B4GALT7: variants seen among roughly 807,000 people sequenced by gnomAD.
The protein encoded by B4GALT7 is beta-1,4-galactosyltransferase 7.
Under a neutral mutation model 33.0 loss-of-function variants are expected in B4GALT7, and 30 were observed. The ratio of observed to expected loss-of-function variants is 0.91; its 90% CI spans 0.68 to 1.23. B4GALT7 has a LOEUF of 1.23. B4GALT7 is among the 50% of genes most tolerant of loss of function. The probability of loss-of-function intolerance (pLI) is 0.00; values close to 1 mark genes in which losing one functional copy is unlikely to be tolerated. For synonymous variants in B4GALT7, 213 were observed against 187.2 expected, an observed-to-expected ratio of 1.14 and a Z score of -1.13; for missense variants, 507 against 450.8, an observed-to-expected ratio of 1.12 and a Z score of -1.13.
At position 177,607,506 on chromosome 5, in the gene B4GALT7, C is replaced by T; in HGVS notation, c.618C>T (p.Leu206=). 6.2e-7 allele frequency: 1 copy of T among 1,612,618 alleles called. No homozygotes were observed. The highest frequency in any genetic ancestry group is 1.1e-5 in the South Asian group (1 of 91,080). ...CCTATGTCGGCGGCATCCTGCTGCT[C>T]TCCAAGCAGCACTACCGGCTGGTGA... ...YKTYVGGILL[L]SKQHYRLCNG... The change falls in exon 3 of 6, where the codon CTC becomes CTT. Residue 206 remains leucine (L), a synonymous_variant. Transcript: ENST00000029410.
At position 177,600,266 on chromosome 5, in the gene B4GALT7, C is replaced by T. The variant is rs1767808731; in HGVS notation, c.50+6C>T. 7 of 1,343,580 alleles carry T rather than the reference C, an allele frequency of 5.2e-6. No individual in the cohort carries two copies. The East Asian group carries it at 1.2e-4, about 24-fold the overall frequency. The allele number at this position is 1,343,580 out of a possible 1,614,324, so 83.2% of individuals were successfully genotyped here. A position where few individuals can be genotyped will look rare whatever the true frequency, so the allele number is the denominator to read the frequency against. On this transcript the variant is annotated splice_donor_region_variant and intron_variant, in intron 1 of 5. Transcript: ENST00000029410. The surrounding 1 kb of genome is among the most constrained non-coding windows in gnomAD (Gnocchi z 4.4). ...CTGCCCTGGGAGGACGGCAGGTGAG[C>T]GGCGGCGGTGGGCCCGGGCCCCGTC...
rs7718106 is a variant in B4GALT7, at chr5:177,608,310, C to T, written c.640-229C>T. On this transcript the variant is annotated intron_variant, in intron 3 of 5. Transcript: ENST00000029410. This position sits in a 1 kb window ranked among gnomAD's most constrained non-coding sequence, Gnocchi z 4.1. ...CAGAGATCCCCTCTGGGCAGCCAGC[C>T]GTTTTTGAGAAGGTGAGCCTCTCAC... 0.32 allele frequency: 177,606 copies of T among 561,406 alleles called. 30,509 individuals are homozygous for T. Among genetic ancestry groups the T allele is most frequent in the South Asian group, 0.39 (18,664 of 48,012 alleles). 34.8% of individuals were successfully genotyped at this position (561,406 alleles called of 1,614,324 possible).
At position 177,608,112 on chromosome 5, in the gene B4GALT7, T is replaced by A. The variant is rs1768066657; in HGVS notation, c.640-427T>A. 1 of 241,298 alleles carries A rather than the reference T, an allele frequency of 4.1e-6. No individual in the cohort carries two copies. The highest frequency in any genetic ancestry group is 8.2e-6 in the Non-Finnish European group (1 of 121,366). The allele number at this position is 241,298 out of a possible 1,614,324, so 14.9% of individuals were successfully genotyped here. A position where few individuals can be genotyped will look rare whatever the true frequency, so the allele number is the denominator to read the frequency against. On this transcript the variant is annotated intron_variant, in intron 3 of 5. Transcript: ENST00000029410. This position sits in a 1 kb window ranked among gnomAD's most constrained non-coding sequence, Gnocchi z 4.1. Reference sequence around the variant, plus strand: ...TCTCCAGGCCATGGCAGGGGCCAGCTTTATGTAAATGAAGCCCCTGAGCCA... The same window carrying A: ...TCTCCAGGCCATGGCAGGGGCCAGCATTATGTAAATGAAGCCCCTGAGCCA...
At position 177,604,181 on chromosome 5, in the gene B4GALT7, C is replaced by A; in HGVS notation, c.53C>A (p.Ser18Tyr). Residue 18 changes from serine (S) to tyrosine (Y), a missense_variant and splice_region_variant, in exon 2 of 6, where the codon TCC becomes TAC. Transcript: ENST00000029410. The stretch of plus-strand genomic sequence containing the variant: ...ACCCTGTCCCGCGCTTGCTCCAGGT[C>A]CGGGTTGCTCTCCGGCGGCCTCCCT... ...AAQLPWEDGRSGLLSGGLPRK... is the reference protein window; with the variant it reads ...AAQLPWEDGRYGLLSGGLPRK... The A allele has an allele frequency of 6.2e-7, 1 of 1,613,524 alleles. No homozygotes were observed. Among genetic ancestry groups the A allele is most frequent in the Non-Finnish European group, 8.5e-7 (1 of 1,179,936 alleles).
rs753594601 is a variant in B4GALT7 at position 177,608,540 on chromosome 5, G to A, written c.641G>A (p.Cys214Tyr). ...TGACGCTGCTTGTCTCTGTGTCAGT[G>A]CAATGGGATGTCCAACCGCTTCTGG... ...LLLSKQHYRLCNGMSNRFWGW... is the reference protein window; with the variant it reads ...LLLSKQHYRLYNGMSNRFWGW... Residue 214 changes from cysteine to tyrosine, a missense_variant and splice_region_variant, in exon 4 of 6, where the codon TGC becomes TAC. Cys to Tyr is a radical substitution (Grantham distance 194, BLOSUM62 -2). Transcript: ENST00000029410. This position sits in a 1 kb window ranked among gnomAD's most constrained non-coding sequence, Gnocchi z 4.1. 81 of 1,613,374 alleles carry A rather than the reference G, an allele frequency of 5.0e-5. No homozygotes were observed. Among genetic ancestry groups the A allele is most frequent in the Non-Finnish European group, 6.9e-5 (81 of 1,179,730 alleles).
In B4GALT7 at chr5:177,606,981, G is replaced by A; in HGVS notation, c.414-321G>A. The A allele has an allele frequency of 2.3e-6, 1 of 430,972 alleles. No individual in the cohort carries two copies. The highest frequency in any genetic ancestry group is 2.1e-5 in the South Asian group (1 of 47,560). 26.7% of individuals were successfully genotyped at this position (430,972 alleles called of 1,614,324 possible). The stretch of plus-strand genomic sequence containing the variant: ...CCCAGCAAGATCGCCCTCCTTGCCT[G>A]CTTTGCTTTTCCCCCCAGCACGAAC... On this transcript the variant is annotated intron_variant, in intron 2 of 5. Coordinates refer to ENST00000029410, the MANE Select transcript of B4GALT7 (RefSeq NM_007255.3). The surrounding 1 kb of genome is among the most constrained non-coding windows in gnomAD (Gnocchi z 4.2).
chr5:177,603,444 T>C, intron 1 of B4GALT7: 1 of 875,542 alleles, frequency 1.1e-6, no homozygotes. Context: ...TTCAGCTGTT[T>C]TTCCAGTTTC....
intron 1 of B4GALT7, 106 bp from the exon 2 acceptor site, chr5:177,604,073 G>A: frequency 6.6e-7 from 1 of 1,506,534 alleles, no homozygotes; most frequent in Non-Finnish European, 9.1e-7. Flanking sequence ...CAGGTGCTTG[G>A]GGTAGACGAG....
chr5:177,609,820 G>A lies in B4GALT7; in HGVS notation c.*125G>A, dbSNP rs572970952. ...GGCCAGGACCAAGACAGCAAGCTAC[G>A]CAATTGCAGCCACCCGGCCGCCAAG... On this transcript the variant is annotated 3_prime_UTR_variant, in exon 6 of 6. Transcript: ENST00000029410. The A allele has an allele frequency of 9.0e-6, 12 of 1,327,940 alleles. No individual in the cohort carries two copies. The highest frequency in any genetic ancestry group is 1.3e-5 in the South Asian group (1 of 76,492). 82.3% of individuals were successfully genotyped at this position (1,327,940 alleles called of 1,614,324 possible).
chr5:177,609,942 C>G lies in B4GALT7; in HGVS notation c.*247C>G, dbSNP rs548327809. On this transcript the variant is annotated 3_prime_UTR_variant, in exon 6 of 6. Transcript: ENST00000029410. ...GGCTGGGGTGTGTCCTGTCCGGGAC[C>G]CCCCCTGCCTTCCTGCTCACCCTAC... 285 of 566,546 alleles carry G rather than the reference C, an allele frequency of 5.0e-4. No individual in the cohort carries two copies. Among genetic ancestry groups the G allele is most frequent in the African/African-American group, 4.7e-3 (250 of 53,312 alleles). The allele number at this position is 566,546 out of a possible 1,614,324, so 35.1% of individuals were successfully genotyped here. A position where few individuals can be genotyped will look rare whatever the true frequency, so the allele number is the denominator to read the frequency against.
In B4GALT7 at chr5:177,604,688, G is replaced by GT. The variant is rs1229712755; in HGVS notation, c.413+147_413+148insT. On this transcript the variant is annotated intron_variant, in intron 2 of 5. Coordinates refer to ENST00000029410, the MANE Select transcript of B4GALT7 (RefSeq NM_007255.3). Reference sequence around the variant, plus strand: ...GGTGTGACAGGAACCTTTGGAGAGGGCCCTGATCTAATTTCCATTTTGAAA... The same window carrying GT: ...GGTGTGACAGGAACCTTTGGAGAGGGTCCCTGATCTAATTTCCATTTTGAAA... 5.0e-5 allele frequency: 53 copies of GT among 1,067,726 alleles called. No individual in the cohort carries two copies. The African/African-American group carries it at 8.1e-4, about 16-fold the overall frequency. The allele number at this position is 1,067,726 out of a possible 1,614,324, so 66.1% of individuals were successfully genotyped here.
rs756560466 is a variant in B4GALT7, at chr5:177,604,501, C to T, written c.373C>T (p.Arg125Trp). ...CCGCTTCCTGAGCAGGAAGAAGATC[C>T]GGCACCACATCTACGTGCTCAACCA... ...MRRFLSRKKIRHHIYVLNQVD... is the reference protein window; with the variant it reads ...MRRFLSRKKIWHHIYVLNQVD... The change falls in exon 2 of 6, where the codon CGG becomes TGG. Residue 125 changes from arginine to tryptophan, a missense_variant. By Grantham distance (101) the Arg-to-Trp change is moderately radical. Coordinates refer to ENST00000029410, the MANE Select transcript of B4GALT7 (RefSeq NM_007255.3). 1.2e-5 allele frequency: 20 copies of T among 1,613,830 alleles called. No individual in the cohort carries two copies. The South Asian group carries it at 2.1e-4, about 17-fold the overall frequency.
intron 2 of B4GALT7, 139 bp from the exon 3 acceptor site, chr5:177,607,163 G>A (rs1398742053): frequency 1.1e-5 from 8 of 736,894 alleles, no homozygotes; most frequent in South Asian, 3.0e-5. Flanking sequence ...GATGAGTGGA[G>A]GGACTGCCCC....
Position 177,607,470 on chromosome 5 carries a change from C to G in B4GALT7, c.582C>G (p.Tyr194Ter). Reference protein sequence around the residue: ...HVASPELHPLYHYKTYVGGIL... With the variant: ...HVASPELHPL ...CCTCCCCGGAGCTCCACCCTCTCTA[C>G]CACTACAAGACCTATGTCGGCGGCA... is the stretch of plus-strand genomic sequence containing the variant. Residue 194 changes from tyrosine (Y) to a stop codon, truncating the protein, a stop_gained, in exon 3 of 6, where the codon TAC becomes TAG. Coordinates refer to ENST00000029410, the MANE Select transcript of B4GALT7 (RefSeq NM_007255.3). LOFTEE classifies it high-confidence loss of function. The G allele has an allele frequency of 6.2e-7, 1 of 1,613,780 alleles. No individual in the cohort carries two copies. Among genetic ancestry groups the G allele is most frequent in the Non-Finnish European group, 8.5e-7 (1 of 1,180,046 alleles).
At chr5:177,602,911 C>G (rs868272390) in intron 1 of B4GALT7, 1 of 884,860 alleles carries the variant, frequency 1.1e-6, no homozygotes, top group African/African-American at 1.8e-5. Flanking sequence ...GAGATGGAGT[C>G]TCGCTCTGTT....
At position 177,602,913 on chromosome 5, in the gene B4GALT7, C is replaced by T. The variant is rs570299907; in HGVS notation, c.51-1266C>T. On this transcript the variant is annotated intron_variant, in intron 1 of 5. Coordinates refer to ENST00000029410, the MANE Select transcript of B4GALT7 (RefSeq NM_007255.3). The stretch of plus-strand genomic sequence containing the variant: ...TTTATTTATTTATGAGATGGAGTCT[C>T]GCTCTGTTGCCCAGGCTGGAGTGCA... 32 of 879,774 alleles carry T rather than the reference C, an allele frequency of 3.6e-5. No individual in the cohort carries two copies. The East Asian group carries it at 6.0e-4, about 16-fold the overall frequency. 54.5% of individuals were successfully genotyped at this position (879,774 alleles called of 1,614,324 possible).
Position 177,610,009 on chromosome 5 carries a change from G to A in B4GALT7, c.*314G>A. The A allele has an allele frequency of 2.3e-6, 1 of 432,932 alleles. No homozygotes were observed. Among genetic ancestry groups the A allele is most frequent in the South Asian group, 2.1e-5 (1 of 46,762 alleles). The allele number at this position is 432,932 out of a possible 1,614,324, so 26.8% of individuals were successfully genotyped here. ...TGCCCAGGCCTGTGGGTAGTGGGGA[G>A]GGCTGAACAGGACAACCTCTCATCA... On this transcript the variant is annotated 3_prime_UTR_variant, in exon 6 of 6. Transcript: ENST00000029410.
At chr5:177,605,140 T>C (rs1165953000) in intron 2 of B4GALT7, 2 of 410,928 alleles carry the variant, frequency 4.9e-6, no homozygotes, top group Admixed American at 5.5e-5. Context: ...CCCCCCCTTT[T>C]CCCTGCCACC....
At position 177,608,498 on chromosome 5, in the gene B4GALT7, C is replaced by CG. The variant is rs768349022; in HGVS notation, c.640-38dup. On this transcript the variant is annotated intron_variant, in intron 3 of 5. Coordinates refer to ENST00000029410, the MANE Select transcript of B4GALT7 (RefSeq NM_007255.3). This position sits in a 1 kb window ranked among gnomAD's most constrained non-coding sequence, Gnocchi z 4.1. ...GTAGGAGACCAAAGGCCCCCCCCCC[C>CG]GGGAAGATGGGCCGAGTGACGCTGC... is the stretch of plus-strand genomic sequence containing the variant. The CG allele has an allele frequency of 6.6e-5, 104 of 1,568,248 alleles. No homozygotes were observed. Among genetic ancestry groups the CG allele is most frequent in the Non-Finnish European group, 8.1e-5 (93 of 1,141,672 alleles).
Sources: gnomAD v4.1 joint callset for allele counts on GRCh38, gnomAD v4.1.1 for gene constraint, Gnocchi (gnomAD v3.1) non-coding constraint, MANE v1.5 for transcripts, NCBI Gene and HGNC (gene_info 2026-07-23, HGNC 2026-07-21) for gene names.